Variants in ELOVL7 observed in about 807,000 individuals in gnomAD.
ELOVL7 encodes very long chain fatty acid elongase 7.
In ELOVL7, 27 loss-of-function variants were observed where a neutral mutation model predicts 35.7. That is an observed-to-expected ratio of 0.76 (90% CI 0.56 to 1.04). The LOEUF (loss-of-function observed/expected upper bound fraction) is 1.04, where lower values mean the gene tolerates loss of function less well. ELOVL7 is among the 50% of genes least tolerant of loss of function. The probability of loss-of-function intolerance (pLI) is 0.00; values close to 1 mark genes in which losing one functional copy is unlikely to be tolerated. For synonymous variants in ELOVL7, 113 were observed against 114.6 expected, an observed-to-expected ratio of 0.99 and a Z score of 0.09; for missense variants, 327 against 340.8, an observed-to-expected ratio of 0.96 and a Z score of 0.32.
At chr5:60,780,499 C>T (rs1447094614) in intron 3 of ELOVL7, among the ~76,000 whole-genome samples, 1 of 152,204 alleles carries the variant, frequency 6.6e-6, no homozygotes, top group East Asian at 1.9e-4. Flanking sequence ...TTCAAAGTCA[C>T]TTCCACATTT....
chr5:60,798,902 A>G (rs1025159095), intron 2 of ELOVL7, among the ~76,000 whole-genome samples: 2 of 152,240 alleles, frequency 1.3e-5, no homozygotes, highest in African/African-American at 4.8e-5. Context: ...ACAGCAAAAT[A>G]CACATTCTTC....
intron 7 of ELOVL7, among the ~76,000 whole-genome samples, chr5:60,761,795 T>C (rs1052390646): frequency 3.9e-5 from 6 of 152,096 alleles, no homozygotes; most frequent in African/African-American, 1.4e-4. Flanking sequence ...GGTGAATAAA[T>C]AGTGCATAGT....
At chr5:60,819,044 G>A (rs1321183285) in intron 1 of ELOVL7, among the ~76,000 whole-genome samples, 8 of 702 alleles carry the variant, frequency 0.011, no homozygotes, top group Non-Finnish European at 0.016. Flanking sequence ...GGGAGGGGAG[G>A]GGAGGGGAGG....
At chr5:60,820,270 A>G (rs1745808122) in intron 1 of ELOVL7, among the ~76,000 whole-genome samples, 1 of 152,232 alleles carries the variant, frequency 6.6e-6, no homozygotes, top group African/African-American at 2.4e-5. Context: ...TAAGAGCCCA[A>G]TTGACCAACA....
chr5:60,786,850 A>G (rs1303637755), intron 3 of ELOVL7, among the ~76,000 whole-genome samples: 2 of 151,898 alleles, frequency 1.3e-5, no homozygotes, highest in East Asian at 1.9e-4. Context: ...GCTCAGGCAG[A>G]AGAATGGCGT....
In ELOVL7 at chr5:60,830,591, C is replaced by CT. The variant is rs1194123147; in HGVS notation, c.-86+13568dup. On this transcript the variant is annotated intron_variant, in intron 1 of 8. Coordinates refer to ENST00000508821, the MANE Select transcript of ELOVL7 (RefSeq NM_024930.3). ...AGGTACAAGAGGAAACCATCAGAGG[C>CT]TTTTTTTTTCTTTCTTTCTTTTTTT... Among the ~76,000 whole-genome samples, 6 of 145,912 alleles carry CT rather than the reference C, an allele frequency of 4.1e-5. No individual in the cohort carries two copies. The East Asian group carries it at 6.1e-4, about 15-fold the overall frequency.
chr5:60,818,901 G>A (rs1339928590), intron 1 of ELOVL7, among the ~76,000 whole-genome samples: 1 of 151,038 alleles, frequency 6.6e-6, no homozygotes, highest in Admixed American at 6.6e-5. Flanking sequence ...CCAGCTACTC[G>A]GGAGGCTGAG....
At chr5:60,775,525 A>C (rs1358947697) in intron 3 of ELOVL7, among the ~76,000 whole-genome samples, 3 of 152,226 alleles carry the variant, frequency 2.0e-5, no homozygotes, top group Non-Finnish European at 4.4e-5. Flanking sequence ...AGCCAAAGCA[A>C]TCTTAAGCAA....
intron 7 of ELOVL7, among the ~76,000 whole-genome samples, 193 bp from the exon 8 acceptor site, chr5:60,757,838 GA>G (rs1470015162): frequency 6.6e-6 from 1 of 152,102 alleles, no homozygotes; most frequent in African/African-American, 2.4e-5. Flanking sequence ...ATATGAACCT[GA>G]GAAAGTAAAT....
chr5:60,755,316 G>T (rs1584139363), intron 8 of ELOVL7, among the ~76,000 whole-genome samples: 2 of 152,136 alleles, frequency 1.3e-5, no homozygotes, highest in Admixed American at 1.3e-4. Context: ...AGTAGTTAAA[G>T]CATCTCGGAG....
At chr5:60,825,377 C>A (rs1746110115) in intron 1 of ELOVL7, among the ~76,000 whole-genome samples, 1 of 152,216 alleles carries the variant, frequency 6.6e-6, no homozygotes, top group African/African-American at 2.4e-5. Context: ...TCCAACAACA[C>A]GCACTTCCCT....
At chr5:60,796,830 AGCT>A (rs1744294088) in intron 2 of ELOVL7, among the ~76,000 whole-genome samples, 1 of 152,220 alleles carries the variant, frequency 6.6e-6, no homozygotes, top group South Asian at 2.1e-4. Context: ...GATCAAGTGG[AGCT>A]GTATTTTAAT....
intron 3 of ELOVL7, among the ~76,000 whole-genome samples, chr5:60,777,549 G>A (rs1487123651): frequency 4.6e-5 from 7 of 152,020 alleles, no homozygotes; most frequent in African/African-American, 1.7e-4. Flanking sequence ...TAAGCAGCTG[G>A]ATATATGGAT....
At chr5:60,755,701 C>T (rs1741501743) in intron 8 of ELOVL7, among the ~76,000 whole-genome samples, 1 of 151,806 alleles carries the variant, frequency 6.6e-6, no homozygotes, top group Non-Finnish European at 1.5e-5. Flanking sequence ...AGAGAATCTA[C>T]GAGGTGTGAG....
At chr5:60,762,534 G>A (rs558478482) in intron 7 of ELOVL7, among the ~76,000 whole-genome samples, 5 of 152,054 alleles carry the variant, frequency 3.3e-5, no homozygotes, top group African/African-American at 4.8e-5. Flanking sequence ...TAAAGAGGGA[G>A]AAAAAAACCA....
At chr5:60,775,531 A>C (rs1398689956) in intron 3 of ELOVL7, among the ~76,000 whole-genome samples, 3 of 152,244 alleles carry the variant, frequency 2.0e-5, no homozygotes, top group Admixed American at 6.5e-5. Flanking sequence ...AGCAATCTTA[A>C]GCAAAAAGAA....
At chr5:60,774,668 G>C (rs1742798410) in intron 3 of ELOVL7, among the ~76,000 whole-genome samples, 1 of 151,892 alleles carries the variant, frequency 6.6e-6, no homozygotes, top group Admixed American at 6.6e-5. Context: ...GAAATAAAAG[G>C]CATCAAAATT....
chr5:60,807,930 C>T (rs1745027313), intron 1 of ELOVL7, among the ~76,000 whole-genome samples: 2 of 125,366 alleles, frequency 1.6e-5, no homozygotes, highest in Admixed American at 1.1e-4. Context: ...ACCCGGGAGG[C>T]AGAGGCTGCA....
At chr5:60,832,723 C>T (rs1010006828) in intron 1 of ELOVL7, among the ~76,000 whole-genome samples, 1 of 152,102 alleles carries the variant, frequency 6.6e-6, no homozygotes, top group African/African-American at 2.4e-5. Flanking sequence ...CTCCATTAAC[C>T]TTCCCCCTTC....
Sources: allele counts gnomAD v4.1 joint callset (sites outside exome capture counted in the v4.1 genomes callset), GRCh38; gene constraint gnomAD v4.1.1; transcripts MANE v1.5; gene names NCBI Gene and HGNC (gene_info 2026-07-23, HGNC 2026-07-21).